Variants in MROH1 observed in about 807,000 individuals in gnomAD.
The protein encoded by MROH1 is maestro heat-like repeat-containing protein family member 1.
Under a neutral mutation model 116.5 loss-of-function variants are expected in MROH1, and 117 were observed. The ratio of observed to expected loss-of-function variants is 1.00; its 90% CI spans 0.86 to 1.17. MROH1 has a LOEUF of 1.17. Ranked by LOEUF, MROH1 falls within the 50% of genes most tolerant of loss-of-function variation. The probability of loss-of-function intolerance (pLI) is 0.00; values close to 1 mark genes in which losing one functional copy is unlikely to be tolerated. For synonymous variants in MROH1, 921 were observed against 583.9 expected, an observed-to-expected ratio of 1.58 and a Z score of -8.32; for missense variants, 1,873 against 1,338.5, an observed-to-expected ratio of 1.40 and a Z score of -6.23.
At chr8:144,185,210 C>T (rs1420589268) in intron 7 of MROH1, among the ~76,000 whole-genome samples, 1 of 152,150 alleles carries the variant, frequency 6.6e-6, no homozygotes, top group Non-Finnish European at 1.5e-5. Flanking sequence ...CCTGACCCTC[C>T]CTGGCCTCTG....
chr8:144,155,064 C>T (rs1267242442), intron 1 of MROH1, among the ~76,000 whole-genome samples: 1 of 152,164 alleles, frequency 6.6e-6, no homozygotes, highest in African/African-American at 2.4e-5. Flanking sequence ...GATCCACCCA[C>T]CTCGGCGTCC....
chr8:144,222,416 C>A lies in MROH1; in HGVS notation c.1216-692C>A, dbSNP rs111530485. 9.7e-3 allele frequency among the ~76,000 whole-genome samples: 1,470 copies of A among 152,280 alleles called. 18 individuals carry two copies. Among genetic ancestry groups the A allele is most frequent in the African/African-American group, 0.031 (1,301 of 41,520 alleles). The stretch of plus-strand genomic sequence containing the variant: ...TTCCCTACGGACCTGAGCACATCCA[C>A]AAGCTGGCAGGAAGGCTGCCTTCCA... On this transcript the variant is annotated intron_variant, in intron 13 of 43. Coordinates refer to ENST00000326134, the MANE Select transcript of MROH1 (RefSeq NM_032450.3).
chr8:144,234,497 C>CTTTTTTTTTTT (rs1554823930), intron 14 of MROH1, among the ~76,000 whole-genome samples: 3 of 20,630 alleles, frequency 1.5e-4, no homozygotes, highest in African/African-American at 1.5e-4. Context: ...CTTTCTTTTT[C>CTTTTTTTTTTT]GTTTTTTTTT....
intron 14 of MROH1, among the ~76,000 whole-genome samples, chr8:144,236,896 C>T (rs944497069): frequency 0.013 from 917 of 69,304 alleles, 13 homozygotes; most frequent in African/African-American, 0.05. Context: ...TCTCCTATTC[C>T]TTTTTTTTTT....
intron 12 of MROH1, 131 bp from the exon 13 acceptor site, chr8:144,220,469 G>A (rs1193098644): frequency 3.0e-6 from 2 of 671,526 alleles, no homozygotes; most frequent in Non-Finnish European, 5.0e-6. Context: ...AGAAAAGTGG[G>A]TATGCTTTCC....
intron 1 of MROH1, among the ~76,000 whole-genome samples, chr8:144,149,725 A>G (rs1402246250): frequency 6.6e-6 from 1 of 152,160 alleles, no homozygotes; most frequent in African/African-American, 2.4e-5. Flanking sequence ...GCTCCTAGCC[A>G]GTGTGCAGAG....
At chr8:144,195,501 CAAAAAA>C (rs1163550725) in intron 10 of MROH1, among the ~76,000 whole-genome samples, 2 of 35,332 alleles carry the variant, frequency 5.7e-5, no homozygotes, top group Admixed American at 9.3e-4. Flanking sequence ...GACTCTGTCT[CAAAAAA>C]AAAAAAAAAA....
rs1049654742 is a variant in MROH1, at chr8:144,261,231, C to A, written c.4774+15C>A. On this transcript the variant is annotated intron_variant, in intron 42 of 43. Transcript: ENST00000326134. ...CCTGTTCACCGGTAAGCACCACCCC[C>A]TGCCCCACCCCCACGCCGCCCGGCA... is the stretch of plus-strand genomic sequence containing the variant. The A allele has an allele frequency of 6.9e-4, 527 of 763,124 alleles. 2 individuals carry two copies. The highest frequency in any genetic ancestry group is 1.1e-3 in the Non-Finnish European group (471 of 417,538). The allele number at this position is 763,124 out of a possible 1,614,324, so 47.3% of individuals were successfully genotyped here. A position where few individuals can be genotyped will look rare whatever the true frequency, so the allele number is the denominator to read the frequency against.
intron 10 of MROH1, among the ~76,000 whole-genome samples, chr8:144,195,667 T>G (rs993459791): frequency 5.9e-5 from 9 of 152,130 alleles, no homozygotes; most frequent in Admixed American, 6.6e-5. Flanking sequence ...TAACCTTGTA[T>G]TATATATGTA....
chr8:144,175,757 A>G (rs1823735820), intron 4 of MROH1, among the ~76,000 whole-genome samples: 1 of 152,156 alleles, frequency 6.6e-6, no homozygotes, highest in Non-Finnish European at 1.5e-5. Flanking sequence ...CCATCTCTAA[A>G]AAAATAAAAT....
intron 1 of MROH1, among the ~76,000 whole-genome samples, chr8:144,160,021 G>A (rs1819132880): frequency 1.3e-5 from 2 of 151,976 alleles, no homozygotes; most frequent in Admixed American, 6.6e-5. Context: ...CACCCGCCTC[G>A]GCCTCCCAAA....
In MROH1 at chr8:144,240,162, C is replaced by T. The variant is rs1405127851; in HGVS notation, c.1827+9C>T. The T allele has an allele frequency of 4.1e-5, 32 of 773,734 alleles. No individual in the cohort carries two copies. Among genetic ancestry groups the T allele is most frequent in the Admixed American group, 5.2e-5 (3 of 57,958 alleles). The allele number at this position is 773,734 out of a possible 1,614,324, so 47.9% of individuals were successfully genotyped here. ...AGGAGAAGCTGTTGATGGTGAGGGC[C>T]GGGGTACGGCCCATCCTGGGCCTTA... On this transcript the variant is annotated intron_variant, in intron 19 of 43. Transcript: ENST00000326134.
At chr8:144,204,726 CTTAT>C (rs1184637029) in intron 12 of MROH1, among the ~76,000 whole-genome samples, 1 of 152,146 alleles carries the variant, frequency 6.6e-6, no homozygotes, top group African/African-American at 2.4e-5. Context: ...TATAGTACAG[CTTAT>C]TTATTTTCAC....
In MROH1 at chr8:144,250,379, G is replaced by T; in HGVS notation, c.3428+13G>T. The T allele has an allele frequency of 1.3e-6, 1 of 757,242 alleles. No individual in the cohort carries two copies. The allele number at this position is 757,242 out of a possible 1,614,324, so 46.9% of individuals were successfully genotyped here. On this transcript the variant is annotated intron_variant, in intron 33 of 43. Coordinates refer to ENST00000326134, the MANE Select transcript of MROH1 (RefSeq NM_032450.3). ...TGCCCTTGGACAGGTACCCAGCTCA[G>T]ACTCCAGGCTTAGGGGTCCCTCTGG...
At chr8:144,234,072 C>T (rs1445931517) in intron 14 of MROH1, among the ~76,000 whole-genome samples, 6 of 152,112 alleles carry the variant, frequency 3.9e-5, no homozygotes, top group African/African-American at 1.2e-4. Context: ...TGCAGTGGCG[C>T]GATCTCGGCT....
Position 144,244,276 on chromosome 8 carries a change from C to T in MROH1, c.2610C>T (p.Cys870=), listed in dbSNP as rs1207052384. 3.3e-5 allele frequency: 24 copies of T among 718,870 alleles called. No individual in the cohort carries two copies. Among genetic ancestry groups the T allele is most frequent in the Admixed American group, 3.2e-4 (16 of 50,030 alleles). The allele number at this position is 718,870 out of a possible 1,614,324, so 44.5% of individuals were successfully genotyped here. A position where few individuals can be genotyped will look rare whatever the true frequency, so the allele number is the denominator to read the frequency against. ...CCCGGGCGGATGTGATCCATGGCTG[C>T]CTGCACAGCATCATGGCCCTGCTGC... ...EQARADVIHG[C]LHSIMALLPE... Residue 870 remains cysteine, a synonymous_variant, in exon 27 of 44, where the codon TGC becomes TGT. Coordinates refer to ENST00000326134, the MANE Select transcript of MROH1 (RefSeq NM_032450.3).
chr8:144,220,605 C>G lies in MROH1; in HGVS notation c.1147C>G (p.Gln383Glu), dbSNP rs1347234280. 1 of 1,572,328 alleles carries G rather than the reference C, an allele frequency of 6.4e-7. No homozygotes were observed. Among genetic ancestry groups the G allele is most frequent in the African/African-American group, 1.4e-5 (1 of 73,926 alleles). The stretch of plus-strand genomic sequence containing the variant: ...GTCCTGTTTGTTTCTTGCAGCTGCT[C>G]AGATGGAAGATAAAAAGCCCTTTAT... ...VRHVINSAAA[Q>E]MEDKKPFILS... The change falls in exon 13 of 44, where the codon CAG becomes GAG. Residue 383 changes from glutamine (Q) to glutamate (E), a missense_variant. Coordinates refer to ENST00000326134, the MANE Select transcript of MROH1 (RefSeq NM_032450.3).
chr8:144,168,010 G>A (rs1255885211), intron 3 of MROH1, among the ~76,000 whole-genome samples: 4 of 152,154 alleles, frequency 2.6e-5, no homozygotes, highest in South Asian at 2.1e-4. Flanking sequence ...CCTCTGTGTC[G>A]CTCAACCCTG....
chr8:144,210,102 T>C (rs1303663532), intron 12 of MROH1, among the ~76,000 whole-genome samples: 7 of 151,810 alleles, frequency 4.6e-5, no homozygotes, highest in Non-Finnish European at 1.0e-4. Context: ...TATCCTGATT[T>C]TTATAGTAAT....
Sources: allele counts gnomAD v4.1 joint callset (sites outside exome capture counted in the v4.1 genomes callset), GRCh38; gene constraint gnomAD v4.1.1; transcripts MANE v1.5; gene names NCBI Gene and HGNC (gene_info 2026-07-23, HGNC 2026-07-21).